Variants in PCDH15 observed in about 807,000 individuals in gnomAD.
The protein encoded by PCDH15 is protocadherin-15.
Under a neutral mutation model 178.5 loss-of-function variants are expected in PCDH15, and 129 were observed. That is an observed-to-expected ratio of 0.72 (90% CI 0.63 to 0.84). The LOEUF (loss-of-function observed/expected upper bound fraction) is 0.84. Among genes scored for constraint, PCDH15 ranks in the 40% least tolerant of loss-of-function variants. The pLI is 0.00. For synonymous variants in PCDH15, 800 were observed against 732.0 expected, an observed-to-expected ratio of 1.09 and a Z score of -1.50; for missense variants, 2,230 against 2,099.9, an observed-to-expected ratio of 1.06 and a Z score of -1.21.
intron 5 of PCDH15, among the ~76,000 whole-genome samples, chr10:54,367,349 TA>T (rs1482711875): frequency 1.3e-5 from 2 of 149,572 alleles, no homozygotes; most frequent in East Asian, 1.9e-4. Context: ...GTTGCATGAT[TA>T]AAATGATATT....
chr10:55,617,063 T>G lies in PCDH15; in HGVS notation c.-156+10562A>C, dbSNP rs188222231. On this transcript the variant is annotated intron_variant, in intron 2 of 5. Coordinates refer to the PCDH15 transcript ENST00000613346. Reference sequence around the variant, plus strand: ...GAATCCCTGAGCAGACAAACCCAGTTAGACCTCATAAGCAACCTCTCAACC... The same window carrying G: ...GAATCCCTGAGCAGACAAACCCAGTGAGACCTCATAAGCAACCTCTCAACC... Among the ~76,000 whole-genome samples, 201 of 152,196 alleles carry G rather than the reference T, an allele frequency of 1.3e-3. 1 individual carries two copies. Among genetic ancestry groups the G allele is most frequent in the African/African-American group, 4.6e-3 (190 of 41,548 alleles).
At chr10:55,586,630 G>A (rs1159391340) in intron 2 of PCDH15, among the ~76,000 whole-genome samples, 1 of 152,084 alleles carries the variant, frequency 6.6e-6, no homozygotes, top group African/African-American at 2.4e-5. Flanking sequence ...GGGCAAATGT[G>A]TCCAAAAAGT....
intron 14 of PCDH15, among the ~76,000 whole-genome samples, chr10:54,146,275 A>T (rs911980625): frequency 6.6e-6 from 1 of 151,996 alleles, no homozygotes; most frequent in African/African-American, 2.4e-5. Flanking sequence ...AAATTATTTC[A>T]TCTCATATTA....
chr10:54,695,262 C>A (rs1363231302), intron 1 of PCDH15, among the ~76,000 whole-genome samples: 1 of 152,100 alleles, frequency 6.6e-6, no homozygotes, highest in African/African-American at 2.4e-5. Context: ...GAAAGTGTTA[C>A]TGGTTTGGAT....
intron 2 of PCDH15, 56 bp from the exon 3 acceptor site, chr10:54,527,933 G>A: frequency 1.5e-6 from 2 of 1,359,122 alleles, no homozygotes; most frequent in Admixed American, 1.8e-5. Context: ...CACACAATGA[G>A]AAAAAAATTC....
chr10:55,620,117 T>C (rs1843561339), intron 2 of PCDH15, among the ~76,000 whole-genome samples: 1 of 152,106 alleles, frequency 6.6e-6, no homozygotes, highest in Non-Finnish European at 1.5e-5. Flanking sequence ...TAACCCGTTA[T>C]TTTTGGAAAT....
chr10:54,346,257 A>C (rs975093631), intron 6 of PCDH15, 108 bp downstream of exon 6: 2 of 1,034,172 alleles, frequency 1.9e-6, no homozygotes, highest in Middle Eastern at 2.6e-4. Flanking sequence ...TAGTATCATT[A>C]CTAATCTGGT....
chr10:54,474,555 C>T (rs2078143064), intron 3 of PCDH15, among the ~76,000 whole-genome samples: 1 of 151,920 alleles, frequency 6.6e-6, no homozygotes, highest in Non-Finnish European at 1.5e-5. Flanking sequence ...TTAAACACAG[C>T]AGGTTCTCAG....
At chr10:54,395,422 C>T (rs1475987940) in intron 3 of PCDH15, among the ~76,000 whole-genome samples, 1 of 120,896 alleles carries the variant, frequency 8.3e-6, no homozygotes, top group Admixed American at 9.2e-5. Flanking sequence ...TCTCTATGTG[C>T]ATGTATTACA....
At chr10:55,334,543 G>A (rs974273776) in intron 2 of PCDH15, among the ~76,000 whole-genome samples, 5 of 151,694 alleles carry the variant, frequency 3.3e-5, no homozygotes, top group Admixed American at 6.6e-5. Flanking sequence ...CTGACCTCAG[G>A]TCATCCGCCT....
In PCDH15 at chr10:54,917,178, A is replaced by G. The variant is rs552384027; in HGVS notation, c.-79-19678T>C. ...CTAGAACATATGTATTGTATAATCA[A>G]AGACTTAGATTTGTGTGGTGGGTAA... On this transcript the variant is annotated intron_variant, in intron 2 of 5. Transcript: ENST00000458638. Among the ~76,000 whole-genome samples, 3 of 152,282 alleles carry G rather than the reference A, an allele frequency of 2.0e-5. No individual in the cohort carries two copies. In the South Asian group the frequency reaches 6.2e-4, roughly 32 times the overall value.
chr10:55,393,305 G>T (rs866521188), intron 2 of PCDH15, among the ~76,000 whole-genome samples: 3 of 152,112 alleles, frequency 2.0e-5, no homozygotes, highest in Non-Finnish European at 4.4e-5. Flanking sequence ...TCAAACAAAT[G>T]CCCTGGTAAT....
intron 15 of PCDH15, among the ~76,000 whole-genome samples, chr10:54,104,697 C>T (rs1228022165): frequency 1.3e-5 from 2 of 151,636 alleles, no homozygotes; most frequent in Admixed American, 6.6e-5. Context: ...ATTAGCTGGG[C>T]GTGGTGGCGG....
At chr10:55,219,880 T>TCACA (rs71461286) in intron 1 of PCDH15, among the ~76,000 whole-genome samples, 65,696 of 143,822 alleles carry the variant, frequency 0.46, 14,557 homozygotes, top group East Asian at 0.5. Context: ...CTGATATCAG[T>TCACA]CACACACACA....
chr10:54,431,384 A>G (rs755052038), intron 3 of PCDH15, among the ~76,000 whole-genome samples: 1 of 152,184 alleles, frequency 6.6e-6, no homozygotes, highest in African/African-American at 2.4e-5. Flanking sequence ...CAAATTCAAC[A>G]ATACATTAAA....
chr10:54,900,791 A>G (rs1204171214), intron 2 of PCDH15, among the ~76,000 whole-genome samples: 2 of 152,170 alleles, frequency 1.3e-5, no homozygotes, highest in Non-Finnish European at 2.9e-5. Flanking sequence ...CTCAGTTTCA[A>G]TGTAGTAAAC....
At chr10:54,760,021 C>T (rs983693420) in intron 1 of PCDH15, among the ~76,000 whole-genome samples, 1 of 152,058 alleles carries the variant, frequency 6.6e-6, no homozygotes, top group African/African-American at 2.4e-5. Flanking sequence ...CAGCAGATAG[C>T]GATATAAACA....
At chr10:54,493,800 G>A (rs565463105) in intron 3 of PCDH15, among the ~76,000 whole-genome samples, 133 of 151,896 alleles carry the variant, frequency 8.8e-4, no homozygotes, top group Non-Finnish European at 1.6e-3. Context: ...TTTTTATTGC[G>A]GCACTATTCA....
At chr10:53,826,285 A>G (rs544167357) in intron 32 of PCDH15, among the ~76,000 whole-genome samples, 52 of 152,012 alleles carry the variant, frequency 3.4e-4, no homozygotes, top group Non-Finnish European at 7.4e-5. Context: ...TGTTAAAATA[A>G]TAGCATTAAG....
Sources: gnomAD v4.1 joint callset for allele counts (sites outside exome capture counted in the v4.1 genomes callset) on GRCh38, gnomAD v4.1.1 for gene constraint, MANE v1.5 for transcripts, NCBI Gene and HGNC (gene_info 2026-07-23, HGNC 2026-07-21) for gene names.